Variants in CCM2 observed in about 807,000 individuals in gnomAD.
CCM2 encodes CCM2 scaffold protein.
Under a neutral mutation model 44.9 loss-of-function variants are expected in CCM2, and 25 were observed. That is an observed-to-expected ratio of 0.56 (90% CI 0.41 to 0.78). CCM2 has a LOEUF of 0.78. Among genes scored for constraint, CCM2 ranks in the 30% least tolerant of loss-of-function variants. CCM2 has a pLI of 0.00. For missense variants in CCM2, 481 were observed against 580.6 expected (o/e 0.83, Z 1.76); for synonymous variants, 219 against 241.1 (o/e 0.91, Z 0.85).
chr7:45,027,844 T>G (rs1370339101), intron 1 of CCM2: 4 of 1,596,570 alleles, frequency 2.5e-6, no homozygotes, highest in Non-Finnish European at 3.4e-6. Flanking sequence ...ATGATGATGG[T>G]GTGAGTCCCT....
chr7:45,012,182 G>T (rs1482133932), intron 1 of CCM2, among the ~76,000 whole-genome samples: 2 of 135,460 alleles, frequency 1.5e-5, no homozygotes, highest in East Asian at 4.3e-4. Flanking sequence ...TACCCAGGCT[G>T]CAGTGTAGTG....
chr7:45,054,045 A>C (rs1393577298), intron 2 of CCM2, among the ~76,000 whole-genome samples: 3 of 152,052 alleles, frequency 2.0e-5, no homozygotes, highest in Non-Finnish European at 4.4e-5. Flanking sequence ...AGTAGAGAAG[A>C]TCTCTCATTC....
chr7:45,058,850 C>T (rs961598171), intron 2 of CCM2, among the ~76,000 whole-genome samples: 24 of 151,582 alleles, frequency 1.6e-4, no homozygotes, highest in African/African-American at 5.6e-4. Context: ...GATCTTGCCT[C>T]AGCCTCCTGA....
At chr7:45,059,025 G>A (rs576811347) in intron 2 of CCM2, among the ~76,000 whole-genome samples, 1 of 151,322 alleles carries the variant, frequency 6.6e-6, no homozygotes, top group Non-Finnish European at 1.5e-5. Context: ...GATTACAGGT[G>A]TGAGCTACCA....
intron 1 of CCM2, among the ~76,000 whole-genome samples, chr7:45,016,322 A>G (rs773712116): frequency 5.3e-5 from 8 of 152,134 alleles, no homozygotes; most frequent in Non-Finnish European, 1.0e-4. Flanking sequence ...CAGACATGCA[A>G]TTTATTTTAT....
At chr7:45,022,849 T>G (rs893827387) in intron 1 of CCM2, among the ~76,000 whole-genome samples, 1 of 151,912 alleles carries the variant, frequency 6.6e-6, no homozygotes, top group Non-Finnish European at 1.5e-5. Context: ...CAAGCGATTC[T>G]CCTACCTCAG....
chr7:45,062,373 G>C (rs1471256011), intron 2 of CCM2, among the ~76,000 whole-genome samples: 1 of 152,186 alleles, frequency 6.6e-6, no homozygotes, highest in African/African-American at 2.4e-5. Flanking sequence ...GCAGGCAGGA[G>C]CACAGCAGGT....
At chr7:45,035,165 C>T (rs1049273308) in intron 1 of CCM2, among the ~76,000 whole-genome samples, 7 of 152,136 alleles carry the variant, frequency 4.6e-5, no homozygotes, top group African/African-American at 1.2e-4. Flanking sequence ...CTCTGTGGTT[C>T]GTCTTAGAGC....
At chr7:45,014,678 A>G (rs538821015) in intron 1 of CCM2, among the ~76,000 whole-genome samples, 51 of 145,224 alleles carry the variant, frequency 3.5e-4, no homozygotes, top group East Asian at 1.2e-3. Context: ...CTGGAGTGCA[A>G]TGGCGCCATC....
intron 1 of CCM2, among the ~76,000 whole-genome samples, chr7:45,001,267 C>A (rs976734667): frequency 6.6e-6 from 1 of 152,192 alleles, no homozygotes; most frequent in Non-Finnish European, 1.5e-5. Flanking sequence ...GCCAGGTGGC[C>A]TTCAGGGAGT....
intron 2 of CCM2, among the ~76,000 whole-genome samples, chr7:45,042,326 G>C (rs1164426164): frequency 6.8e-6 from 1 of 147,444 alleles, no homozygotes; most frequent in Non-Finnish European, 1.5e-5. Flanking sequence ...TCTAGCATTT[G>C]TATTGTTGAA....
intron 1 of CCM2, chr7:45,027,644 T>C: frequency 6.2e-7 from 1 of 1,613,828 alleles, no homozygotes; most frequent in Admixed American, 1.7e-5. Context: ...AGTCATGTTT[T>C]TTTCAGAGGG....
intron 1 of CCM2, among the ~76,000 whole-genome samples, chr7:45,009,731 A>G (rs1795993835): frequency 6.6e-6 from 1 of 152,114 alleles, no homozygotes; most frequent in Non-Finnish European, 1.5e-5. Flanking sequence ...TCCCATATCT[A>G]GCATTTGTTT....
chr7:45,070,117 T>C, intron 6 of CCM2, 156 bp downstream of exon 6: 1 of 891,730 alleles, frequency 1.1e-6, no homozygotes, highest in Non-Finnish European at 1.7e-6. Flanking sequence ...CATTAGCCCA[T>C]AGGGTTTCAT....
intron 1 of CCM2, among the ~76,000 whole-genome samples, chr7:45,031,634 T>A (rs1796975510): frequency 6.6e-6 from 1 of 152,184 alleles, no homozygotes; most frequent in African/African-American, 2.4e-5. Context: ...CACAGCTCAC[T>A]GCAGCCTTGA....
chr7:45,012,619 G>A (rs1796112113), intron 1 of CCM2, among the ~76,000 whole-genome samples: 1 of 151,960 alleles, frequency 6.6e-6, no homozygotes, highest in Non-Finnish European at 1.5e-5. Context: ...GCAGTAGTAT[G>A]ATCATAACTC....
intron 2 of CCM2, chr7:45,043,760 T>C: frequency 2.5e-6 from 1 of 395,054 alleles, no homozygotes; most frequent in Non-Finnish European, 4.8e-6. Context: ...CCCTTTCATT[T>C]TTCTCTCATT....
chr7:45,021,577 A>T (rs1386980651), intron 1 of CCM2, among the ~76,000 whole-genome samples: 1 of 150,964 alleles, frequency 6.6e-6, no homozygotes, highest in Admixed American at 6.6e-5. Context: ...AAAAAAAAAT[A>T]AAATAAAATA....
chr7:45,013,106 G>A (rs1796128866), intron 1 of CCM2, among the ~76,000 whole-genome samples: 1 of 151,466 alleles, frequency 6.6e-6, no homozygotes, highest in South Asian at 2.1e-4. Context: ...CTGTTCTATT[G>A]CTACTGGCTT....
Sources: allele counts gnomAD v4.1 joint callset (sites outside exome capture counted in the v4.1 genomes callset), GRCh38; gene constraint gnomAD v4.1.1; transcripts MANE v1.5; gene names NCBI Gene and HGNC (gene_info 2026-07-23, HGNC 2026-07-21).